The following DCC variants were observed in gnomAD, a reference collection of about 807,000 sequenced individuals.
DCC encodes the protein DCC netrin 1 receptor, also known as netrin receptor DCC.
A neutral mutation model predicts 172.5 loss-of-function variants in DCC; 58 were observed. The observed-to-expected ratio is 0.34, with a 90% confidence interval of 0.27 to 0.42. The LOEUF (loss-of-function observed/expected upper bound fraction) is 0.42. Ranked by LOEUF, DCC falls within the 10% of genes least tolerant of loss-of-function variation. DCC has a pLI of 1.00. For missense variants in DCC, 1,740 were observed against 1,791.0 expected (o/e 0.97, Z 0.51); for synonymous variants, 709 against 644.5 (o/e 1.10, Z -1.52).
At chr18:53,370,924 T>A (rs1214714278) in intron 15 of DCC, among the ~76,000 whole-genome samples, 4 of 151,872 alleles carry the variant, frequency 2.6e-5, no homozygotes, top group South Asian at 2.1e-4. Flanking sequence ...CAAAAAAAAA[T>A]TTTACCGAAA....
intron 3 of DCC, among the ~76,000 whole-genome samples, chr18:52,919,122 T>A (rs958005494): frequency 2.0e-5 from 3 of 152,178 alleles, no homozygotes; most frequent in Non-Finnish European, 4.4e-5. Flanking sequence ...CACGTGACTT[T>A]CTGTCTTCCA....
intron 1 of DCC, among the ~76,000 whole-genome samples, chr18:52,567,256 A>G (rs1293017322): frequency 6.6e-6 from 1 of 152,182 alleles, no homozygotes; most frequent in African/African-American, 2.4e-5. Flanking sequence ...TCAAATATTC[A>G]TTAAGTTGAT....
intron 15 of DCC, among the ~76,000 whole-genome samples, chr18:53,362,161 A>G (rs1043931043): frequency 3.3e-5 from 5 of 152,100 alleles, no homozygotes; most frequent in Non-Finnish European, 7.4e-5. Flanking sequence ...ACCATCTTTT[A>G]TTATTTGAAC....
chr18:52,411,826 A>G (rs1365041339), intron 1 of DCC, among the ~76,000 whole-genome samples: 1 of 152,292 alleles, frequency 6.6e-6, no homozygotes, highest in East Asian at 1.9e-4. Flanking sequence ...TAGATTAAAA[A>G]TGCTTAAAAT....
intron 12 of DCC, among the ~76,000 whole-genome samples, chr18:53,295,782 T>C (rs990252918): frequency 1.3e-5 from 2 of 152,214 alleles, no homozygotes; most frequent in East Asian, 1.9e-4. Flanking sequence ...CAGAAAACCT[T>C]ATCCATGTAA....
chr18:52,885,031 G>A (rs2039548908), intron 2 of DCC, among the ~76,000 whole-genome samples: 1 of 152,116 alleles, frequency 6.6e-6, no homozygotes, highest in African/African-American at 2.4e-5. Context: ...TCTGTGCAGA[G>A]TCACCTGGAA....
In DCC at chr18:52,405,923, A is replaced by G. The variant is rs1986630854; in HGVS notation, c.91+65045A>G. Among the ~76,000 whole-genome samples the G allele has an allele frequency of 1.3e-5, 2 of 151,986 alleles. 1 individual carries two copies. The highest frequency in any genetic ancestry group is 4.2e-4 in the South Asian group (2 of 4,812). ...ATCACACTACCTGACTTCAAACTAT[A>G]CTACAAGGCTACAGTAACCAAAACA... is the stretch of plus-strand genomic sequence containing the variant. On this transcript the variant is annotated intron_variant, in intron 1 of 28. Transcript: ENST00000442544.
intron 2 of DCC, among the ~76,000 whole-genome samples, chr18:52,872,662 C>T (rs1044320718): frequency 4.6e-5 from 7 of 152,146 alleles, no homozygotes; most frequent in Non-Finnish European, 4.4e-5. Flanking sequence ...TAAAGTTGAA[C>T]GTGTCCAGGA....
chr18:52,886,454 A>G (rs2039570445), intron 2 of DCC, among the ~76,000 whole-genome samples: 1 of 152,148 alleles, frequency 6.6e-6, no homozygotes, highest in East Asian at 1.9e-4. Context: ...CACTGAGTTC[A>G]ATGTAAAGTC....
At chr18:52,821,088 T>G (rs962854995) in intron 2 of DCC, among the ~76,000 whole-genome samples, 14 of 152,322 alleles carry the variant, frequency 9.2e-5, no homozygotes, top group Middle Eastern at 3.4e-3. Flanking sequence ...CTAATACTCT[T>G]TCTTCTTTCC....
chr18:52,425,482 T>C (rs1168401767), intron 1 of DCC, among the ~76,000 whole-genome samples: 1 of 152,110 alleles, frequency 6.6e-6, no homozygotes, highest in Admixed American at 6.6e-5. Context: ...GATGGCTGGC[T>C]ACAAGTATGC....
At chr18:52,942,695 C>A (rs866857610) in intron 5 of DCC, among the ~76,000 whole-genome samples, 1 of 152,138 alleles carries the variant, frequency 6.6e-6, no homozygotes, top group Non-Finnish European at 1.5e-5. Context: ...CATGGGGGAA[C>A]CTCCTCCATG....
chr18:53,030,930 A>G (rs1469209771), intron 5 of DCC, among the ~76,000 whole-genome samples: 2 of 152,172 alleles, frequency 1.3e-5, no homozygotes. Context: ...AAATGGGGCC[A>G]CATTACCTAT....
intron 2 of DCC, among the ~76,000 whole-genome samples, chr18:52,799,575 A>G (rs541791171): frequency 2.0e-5 from 3 of 152,332 alleles, no homozygotes; most frequent in African/African-American, 7.2e-5. Flanking sequence ...CAGTAATTTC[A>G]GCAATTGTAC....
At chr18:53,193,615 G>T (rs184490142) in intron 9 of DCC, among the ~76,000 whole-genome samples, 6 of 152,008 alleles carry the variant, frequency 3.9e-5, no homozygotes, top group Non-Finnish European at 7.4e-5. Flanking sequence ...TTTACTGCTG[G>T]TCTCTGTTAC....
At chr18:52,443,622 C>A (rs554950329) in intron 1 of DCC, among the ~76,000 whole-genome samples, 55 of 152,198 alleles carry the variant, frequency 3.6e-4, no homozygotes, top group Middle Eastern at 3.4e-3. Context: ...AAAATCATGT[C>A]TTGATCAAGG....
chr18:52,728,556 G>A (rs2036588674), intron 1 of DCC, among the ~76,000 whole-genome samples: 1 of 152,178 alleles, frequency 6.6e-6, no homozygotes, highest in Admixed American at 6.5e-5. Context: ...CCATATGAGA[G>A]ATCATTTCCT....
intron 1 of DCC, among the ~76,000 whole-genome samples, chr18:52,443,771 T>G (rs1229012021): frequency 6.6e-6 from 1 of 152,226 alleles, no homozygotes; most frequent in Non-Finnish European, 1.5e-5. Context: ...GACTTTATTG[T>G]GTAGCTGCTA....
intron 21 of DCC, among the ~76,000 whole-genome samples, chr18:53,419,310 T>A (rs1599128265): frequency 1.3e-5 from 2 of 152,188 alleles, no homozygotes. Flanking sequence ...CATTACACTG[T>A]TCATTTAAAA....
Sources: gnomAD v4.1 joint callset for allele counts (sites outside exome capture counted in the v4.1 genomes callset) on GRCh38, gnomAD v4.1.1 for gene constraint, MANE v1.5 for transcripts, NCBI Gene and HGNC (gene_info 2026-07-23, HGNC 2026-07-21) for gene names.